Variants in IRF2BP2 observed in about 807,000 individuals in gnomAD.
The protein encoded by IRF2BP2 is interferon regulatory factor 2-binding protein 2.
In IRF2BP2, 13 loss-of-function variants were observed where a neutral mutation model predicts 32.7. The ratio of observed to expected loss-of-function variants is 0.40; its 90% CI spans 0.26 to 0.63. The LOEUF (loss-of-function observed/expected upper bound fraction) is 0.63, where lower values mean the gene tolerates loss of function less well. Among genes scored for constraint, IRF2BP2 ranks in the 30% least tolerant of loss-of-function variants. The probability of loss-of-function intolerance (pLI) is 0.42; values close to 1 mark genes in which losing one functional copy is unlikely to be tolerated. For missense variants in IRF2BP2, 980 were observed against 830.6 expected, an observed-to-expected ratio of 1.18 and a Z score of -2.21; for synonymous variants, 555 against 384.6, an observed-to-expected ratio of 1.44 and a Z score of -5.18.
At position 234,608,464 on chromosome 1, in the gene IRF2BP2, G is replaced by T. The variant is rs750307667; in HGVS notation, c.1031C>A (p.Ala344Asp). The T allele has an allele frequency of 3.8e-5, 60 of 1,587,720 alleles. No individual in the cohort carries two copies. The highest frequency in any genetic ancestry group is 5.0e-5 in the Non-Finnish European group (58 of 1,165,500). Residue 344 changes from alanine (A) to aspartate (D), a missense_variant, in exon 1 of 2, where the codon GCC becomes GAC. By Grantham distance (126) the Ala-to-Asp change is moderately radical. Transcript: ENST00000366609. ...GCCCCTACCTGCTTTAGACCCGTTG[G>T]CCCCGTTGGCCTCGAAACCCAACAA... ...GRLLGFEANG[A>D]NGSKAVARTA...
In IRF2BP2 at chr1:234,609,247, G is replaced by T. The variant is rs867716018; in HGVS notation, c.248C>A (p.Pro83Gln). 1 of 1,361,112 alleles carries T rather than the reference G, an allele frequency of 7.3e-7. No individual in the cohort carries two copies. The highest frequency in any genetic ancestry group is 9.4e-7 in the Non-Finnish European group (1 of 1,060,370). The allele number at this position is 1,361,112 out of a possible 1,614,324, so 84.3% of individuals were successfully genotyped here. A position where few individuals can be genotyped will look rare whatever the true frequency, so the allele number is the denominator to read the frequency against. Reference sequence around the variant, plus strand: ...GATGTCCTTGGCGGAGAGCGGCGGCGGCTTGGCGGCGGCCGAGGCCGCGGC... The same window carrying T: ...GATGTCCTTGGCGGAGAGCGGCGGCTGCTTGGCGGCGGCCGAGGCCGCGGC... ...PGAAASAAAKPPPLSAKDILL... is the reference protein window; with the variant it reads ...PGAAASAAAKQPPLSAKDILL... Residue 83 changes from proline to glutamine, a missense_variant, in exon 1 of 2, where the codon CCG (proline) becomes CAG (glutamine). By Grantham distance (76) the Pro-to-Gln change is moderately conservative. Coordinates refer to ENST00000366609, the MANE Select transcript of IRF2BP2 (RefSeq NM_182972.3).
At position 234,605,615 on chromosome 1, in the gene IRF2BP2, CAT is replaced by C. The variant is rs1371855449; in HGVS notation, c.*1520_*1521del. 5 of 152,192 alleles carry C rather than the reference CAT, an allele frequency of 3.3e-5. No homozygotes were observed. Among genetic ancestry groups the C allele is most frequent in the African/African-American group, 1.2e-4 (5 of 41,438 alleles). 9.4% of individuals were successfully genotyped at this position (152,192 alleles called of 1,614,324 possible). On this transcript the variant is annotated 3_prime_UTR_variant, in exon 2 of 2. Coordinates refer to ENST00000366609, the MANE Select transcript of IRF2BP2 (RefSeq NM_182972.3). Reference sequence around the variant, plus strand: ...TAGAAGCTAGGCTGTGAACCATACACATAAATTGTAGACCTTGAAGCCATAAT... The same window carrying C: ...TAGAAGCTAGGCTGTGAACCATACACAAATTGTAGACCTTGAAGCCATAAT...
In IRF2BP2 at chr1:234,608,915, C is replaced by T. The variant is rs1380225666; in HGVS notation, c.580G>A (p.Gly194Ser). ...GCGGTGGGCAGCGGCGTGGCCGAGCCGTTCATGAGCGGCACCAGGGTGGGC... is the reference window on the plus strand; with the variant it reads ...GCGGTGGGCAGCGGCGTGGCCGAGCTGTTCATGAGCGGCACCAGGGTGGGC... ...VPPTLVPLMN[G>S]SATPLPTALG... The change falls in exon 1 of 2, where the codon GGC (glycine) becomes AGC (serine). Residue 194 changes from glycine (G) to serine (S), a missense_variant. Gly to Ser is a moderately conservative substitution (Grantham distance 56). Transcript: ENST00000366609. The T allele has an allele frequency of 7.3e-7, 1 of 1,365,488 alleles. No individual in the cohort carries two copies. Among genetic ancestry groups the T allele is most frequent in the South Asian group, 2.0e-5 (1 of 50,842 alleles). The allele number at this position is 1,365,488 out of a possible 1,614,324, so 84.6% of individuals were successfully genotyped here. A position where few individuals can be genotyped will look rare whatever the true frequency, so the allele number is the denominator to read the frequency against.
chr1:234,605,298 G>A lies in IRF2BP2; in HGVS notation c.*1839C>T, dbSNP rs150516150. ...GCATTCACATAAGAGAGACCAGTCTGCACTGAGTCATATATACTCCAACTT... is the reference window on the plus strand; with the variant it reads ...GCATTCACATAAGAGAGACCAGTCTACACTGAGTCATATATACTCCAACTT... On this transcript the variant is annotated 3_prime_UTR_variant, in exon 2 of 2. Coordinates refer to ENST00000366609, the MANE Select transcript of IRF2BP2 (RefSeq NM_182972.3). The A allele has an allele frequency of 1.3e-5, 2 of 152,238 alleles. No homozygotes were observed. The highest frequency in any genetic ancestry group is 2.9e-5 in the Non-Finnish European group (2 of 68,042). 9.4% of individuals were successfully genotyped at this position (152,238 alleles called of 1,614,324 possible).
chr1:234,608,598 G>A lies in IRF2BP2; in HGVS notation c.897C>T (p.Val299=), dbSNP rs146468937. Residue 299 remains valine, a synonymous_variant, in exon 1 of 2, where the codon GTC becomes GTT. Transcript: ENST00000366609. ...KSRGSGEQDW[V]NRPKTVRDTL... is the part of the protein sequence containing the mutation. ...TGTCGCGCACGGTCTTGGGCCTGTTGACCCAGTCCTGCTCTCCAGACCCGC... is the reference window on the plus strand; with the variant it reads ...TGTCGCGCACGGTCTTGGGCCTGTTAACCCAGTCCTGCTCTCCAGACCCGC... 8.1e-6 allele frequency: 13 copies of A among 1,598,690 alleles called. 1 individual carries two copies. The highest frequency in any genetic ancestry group is 1.4e-5 in the African/African-American group (1 of 73,894).
chr1:234,610,054 C>T lies in IRF2BP2; in HGVS notation c.-560G>A, dbSNP rs1218463456. Among the ~76,000 whole-genome samples, 3 of 147,130 alleles carry T rather than the reference C, an allele frequency of 2.0e-5. No individual in the cohort carries two copies. Among genetic ancestry groups the T allele is most frequent in the African/African-American group, 7.3e-5 (3 of 40,894 alleles). Reference sequence around the variant, plus strand: ...GGCGCGGCGCGGGCCCCGGGTCGCTCCGCCGCTCTCTCACAGCTCCTGGCG... The same window carrying T: ...GGCGCGGCGCGGGCCCCGGGTCGCTTCGCCGCTCTCTCACAGCTCCTGGCG... On this transcript the variant is annotated 5_prime_UTR_variant, in exon 1 of 2. Transcript: ENST00000366609.
chr1:234,607,072 A>C lies in IRF2BP2; in HGVS notation c.*65T>G. The C allele has an allele frequency of 9.6e-7, 1 of 1,041,334 alleles. No homozygotes were observed. The highest frequency in any genetic ancestry group is 1.4e-6 in the Non-Finnish European group (1 of 694,174). 64.5% of individuals were successfully genotyped at this position (1,041,334 alleles called of 1,614,324 possible). Reference sequence around the variant, plus strand: ...GTCTTGGATATATATATATATGGAGATATATATACAATTCAAGCAGTTTTA... The same window carrying C: ...GTCTTGGATATATATATATATGGAGCTATATATACAATTCAAGCAGTTTTA... On this transcript the variant is annotated 3_prime_UTR_variant, in exon 2 of 2. Coordinates refer to ENST00000366609, the MANE Select transcript of IRF2BP2 (RefSeq NM_182972.3).
chr1:234,609,441 C>T lies in IRF2BP2; in HGVS notation c.54G>A (p.Leu18=). ...CCCAGGGCATGCGGGGCAGGTCACA[C>T]AGGTAGCACGACTGCCGCCGGGACG... is the stretch of plus-strand genomic sequence containing the variant. The part of the protein sequence containing the change: ...AAASRRQSCY[L]CDLPRMPWAM... Residue 18 remains leucine, a synonymous_variant, in exon 1 of 2, where the codon CTG becomes CTA. Coordinates refer to ENST00000366609, the MANE Select transcript of IRF2BP2 (RefSeq NM_182972.3). The T allele has an allele frequency of 6.5e-7, 1 of 1,549,030 alleles. No individual in the cohort carries two copies. The highest frequency in any genetic ancestry group is 8.7e-7 in the Non-Finnish European group (1 of 1,150,640).
In IRF2BP2 at chr1:234,609,087, G is replaced by A. The variant is rs1324459354; in HGVS notation, c.408C>T (p.Ser136=). The A allele has an allele frequency of 4.0e-6, 5 of 1,243,002 alleles. No homozygotes were observed. Among genetic ancestry groups the A allele is most frequent in the East Asian group, 6.4e-5 (2 of 31,048 alleles). 77.0% of individuals were successfully genotyped at this position (1,243,002 alleles called of 1,614,324 possible). A position where few individuals can be genotyped will look rare whatever the true frequency, so the allele number is the denominator to read the frequency against. Residue 136 remains serine (S), a synonymous_variant, in exon 1 of 2, where the codon AGC becomes AGT. Coordinates refer to ENST00000366609, the MANE Select transcript of IRF2BP2 (RefSeq NM_182972.3). ...PPRLGSDFGS[S]RPAASLAQPP... is the part of the protein sequence containing the mutation. ...GCTGGGCCAGGCTCGCTGCCGGGCG[G>A]CTGCTGCCGAAGTCAGAGCCGAGGC...
Position 234,606,990 on chromosome 1 carries a change from T to C in IRF2BP2, c.*147A>G. 1 of 632,458 alleles carries C rather than the reference T, an allele frequency of 1.6e-6. No homozygotes were observed. The highest frequency in any genetic ancestry group is 2.7e-6 in the Non-Finnish European group (1 of 371,120). The allele number at this position is 632,458 out of a possible 1,614,324, so 39.2% of individuals were successfully genotyped here. ...CGTCAAAAAAAATATAGAAACACAA[T>C]GTATTCAAAAAAAATCAAAATTATA... is the stretch of plus-strand genomic sequence containing the variant. On this transcript the variant is annotated 3_prime_UTR_variant, in exon 2 of 2. Coordinates refer to ENST00000366609, the MANE Select transcript of IRF2BP2 (RefSeq NM_182972.3).
rs551125252 is a variant in IRF2BP2, at chr1:234,608,456, A to ACCCGTTGGC, written c.1030_1038dup (p.Ala344_Gly346dup). On this transcript the variant is annotated inframe_insertion, in exon 1 of 2. Transcript: ENST00000366609. ...TCACAGCCGCCCCTACCTGCTTTAG[A>ACCCGTTGGC]CCCGTTGGCCCCGTTGGCCTCGAAA... The ACCCGTTGGC allele has an allele frequency of 8.9e-6, 14 of 1,576,272 alleles. No individual in the cohort carries two copies. The highest frequency in any genetic ancestry group is 1.7e-4 in the Middle Eastern group (1 of 5,954).
chr1:234,608,616 A>T lies in IRF2BP2; in HGVS notation c.879T>A (p.Ser293=). 7 of 1,580,086 alleles carry T rather than the reference A, an allele frequency of 4.4e-6. No homozygotes were observed. Among genetic ancestry groups the T allele is most frequent in the Non-Finnish European group, 6.0e-6 (7 of 1,165,632 alleles). The stretch of plus-strand genomic sequence containing the variant: ...GCCTGTTGACCCAGTCCTGCTCTCC[A>T]GACCCGCGGCTCTTGCCCGCACCTT... ...SAEGAGKSRG[S]GEQDWVNRPK... Residue 293 remains serine (S), a synonymous_variant, in exon 1 of 2, where the codon TCT becomes TCA. Coordinates refer to ENST00000366609, the MANE Select transcript of IRF2BP2 (RefSeq NM_182972.3).
In IRF2BP2 at chr1:234,608,890, G is replaced by A. The variant is rs1672256095; in HGVS notation, c.605C>T (p.Ala202Val). The A allele has an allele frequency of 2.3e-6, 3 of 1,328,790 alleles. No individual in the cohort carries two copies. The highest frequency in any genetic ancestry group is 2.2e-5 in the South Asian group (1 of 46,346). The allele number at this position is 1,328,790 out of a possible 1,614,324, so 82.3% of individuals were successfully genotyped here. The change falls in exon 1 of 2, where the codon GCG (alanine) becomes GTG (valine). Residue 202 changes from alanine to valine, a missense_variant. By Grantham distance (64) the Ala-to-Val change is moderately conservative. Transcript: ENST00000366609. ...GGCAGCGCGGCCGCCGAGGCCGAGC[G>A]CGGTGGGCAGCGGCGTGGCCGAGCC... ...MNGSATPLPTALGLGGRAAAS... is the reference protein window; with the variant it reads ...MNGSATPLPTVLGLGGRAAAS...
rs1454262443 is a variant in IRF2BP2, at chr1:234,607,866, GAAAT to G, written c.1049-18_1049-15del. On this transcript the variant is annotated splice_polypyrimidine_tract_variant and intron_variant, in intron 1 of 1. Transcript: ENST00000366609. ...CTGTTCTTGCAACTGGAAACACAAA[GAAAT>G]AAAAGGAAAAAGGTAACATAAGTGG... The G allele has an allele frequency of 2.0e-6, 3 of 1,526,428 alleles. No individual in the cohort carries two copies. The highest frequency in any genetic ancestry group is 2.6e-6 in the Non-Finnish European group (3 of 1,134,854). The allele number at this position is 1,526,428 out of a possible 1,614,324, so 94.6% of individuals were successfully genotyped here.
rs1360117723 is a variant in IRF2BP2, at chr1:234,609,756, C to CCGGGCA, written c.-268_-263dup. Reference sequence around the variant, plus strand: ...GCGGCAGCAGTTCCCCCCGGCCGGCCCGGGCACGGGCGGGCGGCGCGGCGC... The same window carrying CCGGGCA: ...GCGGCAGCAGTTCCCCCCGGCCGGCCCGGGCACGGGCACGGGCGGGCGGCGCGGCGC... On this transcript the variant is annotated 5_prime_UTR_variant, in exon 1 of 2. Coordinates refer to ENST00000366609, the MANE Select transcript of IRF2BP2 (RefSeq NM_182972.3). Among the ~76,000 whole-genome samples, 2 of 144,308 alleles carry CCGGGCA rather than the reference C, an allele frequency of 1.4e-5. No individual in the cohort carries two copies. The highest frequency in any genetic ancestry group is 3.1e-5 in the Non-Finnish European group (2 of 65,076). The allele number at this position is 144,308 out of a possible 152,430, so 94.7% of individuals were successfully genotyped here. A position where few individuals can be genotyped will look rare whatever the true frequency, so the allele number is the denominator to read the frequency against.
rs1268387182 is a variant in IRF2BP2, at chr1:234,605,015, T to C, written c.*2122A>G. On this transcript the variant is annotated 3_prime_UTR_variant, in exon 2 of 2. Coordinates refer to ENST00000366609, the MANE Select transcript of IRF2BP2 (RefSeq NM_182972.3). ...AGTACAGAGAAACCACAGGTTGCCCTTTCCACAGCTGGATAGACTTATCCA... is the reference window on the plus strand; with the variant it reads ...AGTACAGAGAAACCACAGGTTGCCCCTTCCACAGCTGGATAGACTTATCCA... 4 of 152,354 alleles carry C rather than the reference T, an allele frequency of 2.6e-5. No homozygotes were observed. The highest frequency in any genetic ancestry group is 9.6e-5 in the African/African-American group (4 of 41,588). 9.4% of individuals were successfully genotyped at this position (152,354 alleles called of 1,614,324 possible).
chr1:234,606,988 A>G lies in IRF2BP2; in HGVS notation c.*149T>C. ...GTCGTCAAAAAAAATATAGAAACAC[A>G]ATGTATTCAAAAAAAATCAAAATTA... On this transcript the variant is annotated 3_prime_UTR_variant, in exon 2 of 2. Transcript: ENST00000366609. The G allele has an allele frequency of 1.6e-6, 1 of 627,918 alleles. No individual in the cohort carries two copies. The highest frequency in any genetic ancestry group is 2.7e-6 in the Non-Finnish European group (1 of 367,346). 38.9% of individuals were successfully genotyped at this position (627,918 alleles called of 1,614,324 possible). A position where few individuals can be genotyped will look rare whatever the true frequency, so the allele number is the denominator to read the frequency against.
In IRF2BP2 at chr1:234,607,504, T is replaced by C. The variant is rs766973889; in HGVS notation, c.1397A>G (p.Gln466Arg). The change falls in exon 2 of 2, where the codon CAA becomes CGA. Residue 466 changes from glutamine to arginine, a missense_variant. Gln to Arg is a conservative substitution (Grantham distance 43, BLOSUM62 1). Coordinates refer to ENST00000366609, the MANE Select transcript of IRF2BP2 (RefSeq NM_182972.3). Reference sequence around the variant, plus strand: ...CACCTCTCTGGGGCCCAGCCTTCTTTGGTTCATAGAGGACGGAGAGGGCGG... The same window carrying C: ...CACCTCTCTGGGGCCCAGCCTTCTTCGGTTCATAGAGGACGGAGAGGGCGG... Reference protein sequence around the residue: ...NSPPSPSSMNQRRLGPREVGG... With the variant: ...NSPPSPSSMNRRRLGPREVGG... 6.2e-7 allele frequency: 1 copy of C among 1,614,146 alleles called. No individual in the cohort carries two copies. Among genetic ancestry groups the C allele is most frequent in the East Asian group, 2.2e-5 (1 of 44,884 alleles).
rs1033135093 is a variant in IRF2BP2 at position 234,608,586 on chromosome 1, C to T, written c.909G>A (p.Lys303=). The T allele has an allele frequency of 1.9e-6, 3 of 1,605,518 alleles. No individual in the cohort carries two copies. In the African/African-American group the frequency reaches 4.0e-5, roughly 22 times the overall value. Reference sequence around the variant, plus strand: ...GCGCCAGCAGCGTGTCGCGCACGGTCTTGGGCCTGTTGACCCAGTCCTGCT... The same window carrying T: ...GCGCCAGCAGCGTGTCGCGCACGGTTTTGGGCCTGTTGACCCAGTCCTGCT... ...SGEQDWVNRP[K]TVRDTLLALH... Residue 303 remains lysine, a synonymous_variant, in exon 1 of 2, where the codon AAG becomes AAA. Transcript: ENST00000366609.
Sources: allele counts gnomAD v4.1 joint callset (sites outside exome capture counted in the v4.1 genomes callset), GRCh38; gene constraint gnomAD v4.1.1; transcripts MANE v1.5; gene names NCBI Gene and HGNC (gene_info 2026-07-23, HGNC 2026-07-21).